Variants in MCF2L2 observed in about 807,000 individuals in gnomAD.
MCF2L2 encodes MCF.2 cell line derived transforming sequence-like 2.
In MCF2L2, 102 loss-of-function variants were observed where a neutral mutation model predicts 150.2. That is an observed-to-expected ratio of 0.68 (90% CI 0.58 to 0.80). The LOEUF is 0.80. MCF2L2 is among the 30% of genes least tolerant of loss of function. MCF2L2 has a pLI of 0.00. For missense variants in MCF2L2, 1,256 were observed against 1,372.8 expected, an observed-to-expected ratio of 0.91 and a Z score of 1.34; for synonymous variants, 465 against 491.3, an observed-to-expected ratio of 0.95 and a Z score of 0.71.
intron 15 of MCF2L2, among the ~76,000 whole-genome samples, chr3:183,261,371 A>G (rs1725567139): frequency 6.6e-6 from 1 of 152,216 alleles, no homozygotes; most frequent in Non-Finnish European, 1.5e-5. Context: ...AATGCAGCAT[A>G]AAGATGGTAC....
chr3:183,300,871 T>C (rs111844165), intron 10 of MCF2L2, among the ~76,000 whole-genome samples: 11,599 of 151,714 alleles, frequency 0.076, 1,112 homozygotes, highest in African/African-American at 0.22. Flanking sequence ...AAAAATTAGA[T>C]GGGCGTGGTG....
intron 1 of MCF2L2, among the ~76,000 whole-genome samples, chr3:183,402,369 G>T (rs78511616): frequency 0.26 from 38,801 of 150,000 alleles, 5,854 homozygotes; most frequent in Non-Finnish European, 0.36. Context: ...CAGGAGAATG[G>T]CGTGACCTCG....
rs528839406 is a variant in MCF2L2, at chr3:183,348,425, G to C, written c.276-6795C>G. On this transcript the variant is annotated intron_variant, in intron 3 of 29. Coordinates refer to ENST00000328913, the MANE Select transcript of MCF2L2 (RefSeq NM_015078.4). ...CAGTGGGTCGGGGGTCGGGTAGGGG[G>C]GGCGAGGGGAGGGAGAGAATTAGGA... Among the ~76,000 whole-genome samples, 978 of 150,896 alleles carry C rather than the reference G, an allele frequency of 6.5e-3. 12 individuals are homozygous for C. The highest frequency in any genetic ancestry group is 0.022 in the African/African-American group (911 of 40,782).
At chr3:183,295,687 T>G (rs1455466094) in intron 12 of MCF2L2, among the ~76,000 whole-genome samples, 1 of 152,086 alleles carries the variant, frequency 6.6e-6, no homozygotes, top group Non-Finnish European at 1.5e-5. Context: ...CTTGAGACCC[T>G]TGAGGACAAT....
intron 2 of MCF2L2, 82 bp downstream of exon 2, chr3:183,389,614 T>C (rs1324159993): frequency 8.5e-7 from 1 of 1,180,704 alleles, no homozygotes; most frequent in Non-Finnish European, 1.3e-6. Context: ...GAGTATAACA[T>C]TCCTCAAGGT....
At chr3:183,311,231 C>G (rs945640196) in intron 8 of MCF2L2, among the ~76,000 whole-genome samples, 2 of 152,190 alleles carry the variant, frequency 1.3e-5, no homozygotes, top group Non-Finnish European at 2.9e-5. Context: ...AGGACATCCA[C>G]AGTGCAGGCA....
intron 22 of MCF2L2, among the ~76,000 whole-genome samples, chr3:183,212,429 C>T (rs953554684): frequency 9.2e-5 from 14 of 152,096 alleles, no homozygotes; most frequent in African/African-American, 3.1e-4. Flanking sequence ...CTCAAATGAG[C>T]GAGCGATAAG....
intron 15 of MCF2L2, among the ~76,000 whole-genome samples, chr3:183,263,566 C>T (rs1454901928): frequency 2.0e-5 from 3 of 152,040 alleles, no homozygotes. Context: ...ATTTTTCCTC[C>T]AGGCCCATTG....
At position 183,179,225 on chromosome 3, in the gene MCF2L2, C is replaced by A; in HGVS notation, c.*155G>T. 1 of 1,058,036 alleles carries A rather than the reference C, an allele frequency of 9.5e-7. No homozygotes were observed. The highest frequency in any genetic ancestry group is 4.1e-5 in the Admixed American group (1 of 24,284). The allele number at this position is 1,058,036 out of a possible 1,614,324, so 65.5% of individuals were successfully genotyped here. ...CTAGGCGCGCACCCAGGACACCCCT[C>A]GGGCTCCTCGGAGGAGGCCCTGGTT... On this transcript the variant is annotated 3_prime_UTR_variant, in exon 30 of 30. Coordinates refer to ENST00000328913, the MANE Select transcript of MCF2L2 (RefSeq NM_015078.4). The surrounding 1 kb of genome is among the most constrained non-coding windows in gnomAD (Gnocchi z 4.2).
chr3:183,241,637 C>T (rs141665226), intron 15 of MCF2L2, among the ~76,000 whole-genome samples: 6 of 152,332 alleles, frequency 3.9e-5, no homozygotes, highest in South Asian at 2.1e-4. Flanking sequence ...GTCCATTAAA[C>T]CTCTTTCCTT....
chr3:183,234,711 T>A (rs1281791218), intron 15 of MCF2L2, among the ~76,000 whole-genome samples: 1 of 113,826 alleles, frequency 8.8e-6, no homozygotes, highest in African/African-American at 3.3e-5. Context: ...TTTTTTTTTA[T>A]TATACTCTAA....
chr3:183,196,664 C>A (rs1722092359), intron 25 of MCF2L2, among the ~76,000 whole-genome samples: 1 of 152,128 alleles, frequency 6.6e-6, no homozygotes, highest in African/African-American at 2.4e-5. Flanking sequence ...TTCATCAGAG[C>A]CTACTTGGTG....
At position 183,417,373 on chromosome 3, in the gene MCF2L2, T is replaced by C. The variant is rs113289441; in HGVS notation, c.76+10529A>G. ...AACTTATGATGAAGTTACATCCTGA[T>C]AAACCCATTGTACAGTCAAAAAGTT... On this transcript the variant is annotated intron_variant, in intron 1 of 29. Transcript: ENST00000328913. Among the ~76,000 whole-genome samples, 350 of 152,320 alleles carry C rather than the reference T, an allele frequency of 2.3e-3. 2 individuals are homozygous for C. Among genetic ancestry groups the C allele is most frequent in the Middle Eastern group, 3.4e-3 (1 of 294 alleles).
chr3:183,291,417 C>T (rs79670133), intron 13 of MCF2L2, among the ~76,000 whole-genome samples: 4,102 of 152,266 alleles, frequency 0.027, 85 homozygotes, highest in Non-Finnish European at 0.045. Flanking sequence ...TTAATGAGTT[C>T]ATTTGTGAAG....
At chr3:183,415,215 C>T (rs1436021492) in intron 1 of MCF2L2, among the ~76,000 whole-genome samples, 1 of 151,078 alleles carries the variant, frequency 6.6e-6, no homozygotes, top group Non-Finnish European at 1.5e-5. Flanking sequence ...GACGGAGTCT[C>T]GTTCTGTTGC....
At chr3:183,309,886 G>A (rs1729282553) in intron 9 of MCF2L2, 51 bp from the exon 10 acceptor site, 2 of 1,603,766 alleles carry the variant, frequency 1.2e-6, no homozygotes, top group Non-Finnish European at 1.7e-6. Context: ...TCACTCACCT[G>A]AAGGTATAGG....
Position 183,182,202 on chromosome 3 carries a change from T to C in MCF2L2, c.3017-2043A>G, listed in dbSNP as rs141810417. On this transcript the variant is annotated intron_variant, in intron 27 of 29. Coordinates refer to ENST00000328913, the MANE Select transcript of MCF2L2 (RefSeq NM_015078.4). ...CTGAACGTGGAAAGAGGAAGGATCC[T>C]CCCAGTGCTGTCAACCCCAGATTCC... 1.5e-3 allele frequency among the ~76,000 whole-genome samples: 225 copies of C among 152,154 alleles called. 2 individuals carry two copies. In the Middle Eastern group the frequency reaches 0.02, roughly 14 times the overall value.
intron 26 of MCF2L2, among the ~76,000 whole-genome samples, chr3:183,193,929 T>A (rs1185104764): frequency 6.6e-6 from 1 of 152,132 alleles, no homozygotes; most frequent in African/African-American, 2.4e-5. Flanking sequence ...TCACTAAATA[T>A]TTACTGAGCA....
chr3:183,330,245 G>GAAAAAAAAAAAAAAAAAA (rs200391954), intron 5 of MCF2L2, among the ~76,000 whole-genome samples: 1 of 57,344 alleles, frequency 1.7e-5, no homozygotes, highest in African/African-American at 7.2e-5. Context: ...ACCCTGTCTT[G>GAAAAAAAAAAAAAAAAAA]AAAAAAAAAA....
Sources: allele counts gnomAD v4.1 joint callset (sites outside exome capture counted in the v4.1 genomes callset), GRCh38; gene constraint gnomAD v4.1.1; non-coding constraint Gnocchi (gnomAD v3.1); transcripts MANE v1.5; gene names NCBI Gene and HGNC (gene_info 2026-07-23, HGNC 2026-07-21).